Variants in NAALADL2 observed in about 807,000 individuals in gnomAD.
The protein encoded by NAALADL2 is inactive N-acetylated-alpha-linked acidic dipeptidase-like protein 2.
NAALADL2 carries 76 observed loss-of-function variants against 87.2 expected under a neutral mutation model. The ratio of observed to expected loss-of-function variants is 0.87; its 90% confidence interval spans 0.72 to 1.05. NAALADL2 has a LOEUF of 1.05. Among genes scored for constraint, NAALADL2 ranks in the 50% least tolerant of loss-of-function variants. The pLI is 0.00. For missense variants in NAALADL2, 1,089 were observed against 945.8 expected (o/e 1.15, Z -1.99); for synonymous variants, 354 against 331.0 (o/e 1.07, Z -0.75).
intron 3 of NAALADL2, among the ~76,000 whole-genome samples, chr3:174,778,375 A>C (rs1159071100): frequency 9.9e-5 from 15 of 152,156 alleles, no homozygotes; most frequent in Non-Finnish European, 1.5e-5. Flanking sequence ...CCTCATTTCA[A>C]GAACTAGTAC....
intron 4 of NAALADL2, among the ~76,000 whole-genome samples, chr3:175,303,041 A>G (rs1334975334): frequency 6.6e-6 from 1 of 152,150 alleles, no homozygotes; most frequent in Admixed American, 6.6e-5. Context: ...ATTTGTAGAT[A>G]TGGTTTTAGG....
At chr3:175,437,887 A>G (rs1309365877) in intron 5 of NAALADL2, among the ~76,000 whole-genome samples, 1 of 150,886 alleles carries the variant, frequency 6.6e-6, no homozygotes, top group African/African-American at 2.5e-5. Flanking sequence ...ATGTAAATAT[A>G]AATATAACTG....
At chr3:175,712,371 G>C (rs2150004808) in intron 11 of NAALADL2, among the ~76,000 whole-genome samples, 1 of 152,116 alleles carries the variant, frequency 6.6e-6, no homozygotes, top group African/African-American at 2.4e-5. Context: ...TTAGACGGTA[G>C]TCCTTGTCTC....
At chr3:174,457,497 C>T (rs972107264) in intron 1 of NAALADL2, among the ~76,000 whole-genome samples, 1 of 152,134 alleles carries the variant, frequency 6.6e-6, no homozygotes, top group Non-Finnish European at 1.5e-5. Context: ...GGTAAATACT[C>T]ACCATGGAAT....
intron 1 of NAALADL2, among the ~76,000 whole-genome samples, chr3:174,526,802 G>A (rs1053824330): frequency 1.3e-5 from 2 of 151,208 alleles, no homozygotes; most frequent in Non-Finnish European, 2.9e-5. Context: ...TCAACCTCCC[G>A]AGTAACTGGG....
chr3:175,560,587 C>CT (rs1716111547), intron 9 of NAALADL2, among the ~76,000 whole-genome samples: 3 of 151,382 alleles, frequency 2.0e-5, no homozygotes, highest in Admixed American at 6.6e-5. Flanking sequence ...TTTTTTTCTT[C>CT]TTTTTTGATG....
chr3:174,919,182 T>C (rs1255431319), intron 1 of NAALADL2, among the ~76,000 whole-genome samples: 2 of 152,126 alleles, frequency 1.3e-5, no homozygotes, highest in African/African-American at 4.8e-5. Context: ...GTGGTGGTGA[T>C]TGCTGAAGGT....
intron 11 of NAALADL2, among the ~76,000 whole-genome samples, chr3:175,652,626 C>G (rs561885194): frequency 7.1e-4 from 108 of 151,826 alleles, no homozygotes; most frequent in Admixed American, 2.5e-3. Flanking sequence ...CTACAGGCGC[C>G]CACCACCGCG....
chr3:175,788,212 G>GC (rs1433687954), intron 13 of NAALADL2, among the ~76,000 whole-genome samples: 1 of 149,068 alleles, frequency 6.7e-6, no homozygotes, highest in Non-Finnish European at 1.5e-5. Flanking sequence ...TCCCAACTTA[G>GC]CCCCCAAGTA....
chr3:174,638,463 T>A (rs1000142827), intron 2 of NAALADL2, among the ~76,000 whole-genome samples: 9 of 152,222 alleles, frequency 5.9e-5, no homozygotes, highest in African/African-American at 2.2e-4. Flanking sequence ...GATTGATGCA[T>A]CTGAGGTGAA....
chr3:174,988,415 T>C (rs1746267477), intron 1 of NAALADL2, among the ~76,000 whole-genome samples: 1 of 152,186 alleles, frequency 6.6e-6, no homozygotes, highest in African/African-American at 2.4e-5. Flanking sequence ...GTAATATAGA[T>C]GTCATAATCC....
rs144045186 is a variant in NAALADL2 at position 175,252,979 on chromosome 3, C to T, written c.820-3432C>T. 6.5e-4 allele frequency among the ~76,000 whole-genome samples: 99 copies of T among 152,318 alleles called. No homozygotes were observed. In the East Asian group the frequency reaches 0.018, roughly 28 times the overall value. On this transcript the variant is annotated intron_variant, in intron 3 of 13. Transcript: ENST00000454872. ...CATGAGGTTTAAGAAAAGAAGCTATCTCCATGACATAAAAGTACAGGGTGA... is the reference window on the plus strand; with the variant it reads ...CATGAGGTTTAAGAAAAGAAGCTATTTCCATGACATAAAAGTACAGGGTGA...
At chr3:175,001,881 A>G (rs1002941151) in intron 1 of NAALADL2, among the ~76,000 whole-genome samples, 1 of 152,154 alleles carries the variant, frequency 6.6e-6, no homozygotes, top group African/African-American at 2.4e-5. Context: ...CTCATGTATT[A>G]TGTTACAGTC....
rs188258210 is a variant in NAALADL2, at chr3:175,486,070, G to A, written c.1653+14312G>A. On this transcript the variant is annotated intron_variant, in intron 9 of 13. Coordinates refer to ENST00000454872, the MANE Select transcript of NAALADL2 (RefSeq NM_207015.3). ...GGTTGCTCAATCTGCCCAGTTTATG[G>A]TATTCTATTATAGCAGCCTGAACTG... 3.2e-3 allele frequency among the ~76,000 whole-genome samples: 486 copies of A among 151,522 alleles called. 8 individuals carry two copies. The highest frequency in any genetic ancestry group is 0.026 in the Admixed American group (387 of 15,124).
intron 11 of NAALADL2, among the ~76,000 whole-genome samples, chr3:175,633,350 T>C (rs1728070121): frequency 6.6e-6 from 1 of 152,074 alleles, no homozygotes; most frequent in South Asian, 2.1e-4. Context: ...TTTAATATAT[T>C]TTATTATCAC....
intron 2 of NAALADL2, among the ~76,000 whole-genome samples, chr3:174,602,216 A>G (rs1262350550): frequency 6.6e-6 from 1 of 152,178 alleles, no homozygotes; most frequent in East Asian, 1.9e-4. Context: ...TTTGGGTAGT[A>G]TGCACATTTT....
intron 1 of NAALADL2, among the ~76,000 whole-genome samples, chr3:175,052,790 A>G: frequency 6.6e-6 from 1 of 152,182 alleles, no homozygotes; most frequent in East Asian, 1.9e-4. Flanking sequence ...ACAAATCTTT[A>G]GGTTTAGCTC....
At chr3:175,172,844 C>T (rs1057340574) in intron 2 of NAALADL2, among the ~76,000 whole-genome samples, 1 of 152,096 alleles carries the variant, frequency 6.6e-6, no homozygotes, top group Non-Finnish European at 1.5e-5. Flanking sequence ...AACTTTAATA[C>T]TATTTGTTTT....
intron 1 of NAALADL2, among the ~76,000 whole-genome samples, chr3:175,084,185 C>CT (rs1413027968): frequency 7.9e-5 from 12 of 152,158 alleles, no homozygotes; most frequent in Non-Finnish European, 1.5e-4. Context: ...TTATTTATTG[C>CT]TGAGTAAAAA....
Sources: allele counts gnomAD v4.1 joint callset (sites outside exome capture counted in the v4.1 genomes callset), GRCh38; gene constraint gnomAD v4.1.1; transcripts MANE v1.5; gene names NCBI Gene and HGNC (gene_info 2026-07-23, HGNC 2026-07-21).